DGKD: variants seen among roughly 807,000 people sequenced by gnomAD.
DGKD encodes diacylglycerol kinase delta, also known as DAG kinase delta.
In DGKD, 68 loss-of-function variants were observed where a neutral mutation model predicts 154.4. The observed-to-expected ratio is 0.44, with a 90% CI of 0.36 to 0.54. The LOEUF is 0.54. Ranked by LOEUF, DGKD falls within the 20% of genes least tolerant of loss-of-function variation. The pLI is 0.00. For missense variants in DGKD, 1,343 were observed against 1,593.6 expected (o/e 0.84, Z 2.68); for synonymous variants, 693 against 638.0 (o/e 1.09, Z -1.30).
At chr2:233,369,592 C>T (rs2125395125) in intron 1 of DGKD, among the ~76,000 whole-genome samples, 1 of 152,244 alleles carries the variant, frequency 6.6e-6, no homozygotes, top group East Asian at 1.9e-4. Context: ...TCAGCCTCTC[C>T]CCTCCCCCTT....
At chr2:233,420,579 A>G (rs940341234) in intron 3 of DGKD, among the ~76,000 whole-genome samples, 7 of 152,182 alleles carry the variant, frequency 4.6e-5, no homozygotes, top group African/African-American at 1.7e-4. Context: ...GCATTGTTGA[A>G]CTGGTTCTGA....
chr2:233,373,207 A>G lies in DGKD; in HGVS notation c.157-15050A>G, dbSNP rs148958327. 1.3e-3 allele frequency among the ~76,000 whole-genome samples: 200 copies of G among 152,308 alleles called. 2 individuals carry two copies. The highest frequency in any genetic ancestry group is 4.5e-3 in the African/African-American group (189 of 41,558). On this transcript the variant is annotated intron_variant, in intron 1 of 29. Coordinates refer to ENST00000264057, the MANE Select transcript of DGKD (RefSeq NM_152879.3). Reference sequence around the variant, plus strand: ...GGAGGTCAGCAACAGGGACGGTACTATGTGATGTTGGAGAAATAAAGAGGC... The same window carrying G: ...GGAGGTCAGCAACAGGGACGGTACTGTGTGATGTTGGAGAAATAAAGAGGC...
rs1434894762 is a variant in DGKD, at chr2:233,451,228, A to T, written c.2167+178A>T. 4.9e-3 allele frequency among the ~76,000 whole-genome samples: 595 copies of T among 121,018 alleles called. 2 individuals carry two copies. The highest frequency in any genetic ancestry group is 0.02 in the African/African-American group (564 of 27,800). 79.4% of individuals were successfully genotyped at this position (121,018 alleles called of 152,430 possible). A position where few individuals can be genotyped will look rare whatever the true frequency, so the allele number is the denominator to read the frequency against. On this transcript the variant is annotated intron_variant, in intron 17 of 29. Transcript: ENST00000264057. ...TGCTTTTTTTTTTTTTTTAAAAACA[A>T]AAAACAAAAAACAAAAGCCAGATAG...
chr2:233,459,657 A>G lies in DGKD; in HGVS notation c.2695-100A>G. Reference sequence around the variant, plus strand: ...AGGTGGGGTGTCCTGCAAGGCAGGGACGGGTGTGTGGAGCAGGAAGGTCAT... The same window carrying G: ...AGGTGGGGTGTCCTGCAAGGCAGGGGCGGGTGTGTGGAGCAGGAAGGTCAT... On this transcript the variant is annotated intron_variant, in intron 22 of 29. Coordinates refer to ENST00000264057, the MANE Select transcript of DGKD (RefSeq NM_152879.3). This position sits in a 1 kb window ranked among gnomAD's most constrained non-coding sequence, Gnocchi z 5.7. 1 of 1,480,620 alleles carries G rather than the reference A, an allele frequency of 6.8e-7. No homozygotes were observed. The highest frequency in any genetic ancestry group is 9.1e-7 in the Non-Finnish European group (1 of 1,098,936). The allele number at this position is 1,480,620 out of a possible 1,614,324, so 91.7% of individuals were successfully genotyped here.
chr2:233,411,950 A>G (rs2061840688), intron 3 of DGKD, among the ~76,000 whole-genome samples: 1 of 151,768 alleles, frequency 6.6e-6, no homozygotes, highest in African/African-American at 2.4e-5. Flanking sequence ...CTCTTTCCAG[A>G]TTTTCTATTT....
At chr2:233,361,454 A>G (rs1243385748) in intron 1 of DGKD, among the ~76,000 whole-genome samples, 1 of 152,190 alleles carries the variant, frequency 6.6e-6, no homozygotes, top group African/African-American at 2.4e-5. Flanking sequence ...GATTGTGCAT[A>G]CAGTAAAAAA....
chr2:233,459,917 G>A lies in DGKD; in HGVS notation c.2829+26G>A. ...GTAAGAGCGGCTGCCCGCGGTACCT[G>A]GGTGGGGTACAGGGCTCACCTGTGG... On this transcript the variant is annotated intron_variant, in intron 23 of 29. Transcript: ENST00000264057. The surrounding 1 kb of genome is among the most constrained non-coding windows in gnomAD (Gnocchi z 5.7). 6.2e-7 allele frequency: 1 copy of A among 1,610,298 alleles called. No homozygotes were observed. The highest frequency in any genetic ancestry group is 1.1e-5 in the South Asian group (1 of 90,450).
chr2:233,449,908 G>A lies in DGKD; in HGVS notation c.1889-74G>A, dbSNP rs138961643. On this transcript the variant is annotated intron_variant, in intron 15 of 29. Coordinates refer to ENST00000264057, the MANE Select transcript of DGKD (RefSeq NM_152879.3). This position sits in a 1 kb window ranked among gnomAD's most constrained non-coding sequence, Gnocchi z 5.3. The stretch of plus-strand genomic sequence containing the variant: ...ATCAGGCCGTGGGGTGAGGATGAGG[G>A]GCCCTCCACCCAGCCTGACAGCGCC... 5.8e-3 allele frequency: 8,620 copies of A among 1,487,754 alleles called. 552 individuals are homozygous for A. The Admixed American group carries it at 0.13, about 22-fold the overall frequency. The allele number at this position is 1,487,754 out of a possible 1,614,324, so 92.2% of individuals were successfully genotyped here. A position where few individuals can be genotyped will look rare whatever the true frequency, so the allele number is the denominator to read the frequency against.
chr2:233,464,116 A>G (rs554615997), intron 26 of DGKD, 48 bp from the exon 27 acceptor site: 4 of 1,611,896 alleles, frequency 2.5e-6, no homozygotes, highest in Admixed American at 3.3e-5. Flanking sequence ...CGCGCTGATC[A>G]GCAGTGCACA....
rs2063568823 is a variant in DGKD, at chr2:233,459,845, T to C, written c.2783T>C (p.Ile928Thr). Residue 928 changes from isoleucine to threonine, a missense_variant, in exon 23 of 30, where the codon ATT becomes ACT. This residue lies in a region of DGKD where 429 missense variants were observed against 496.3 expected (regional missense o/e 0.86). Transcript: ENST00000264057. This position sits in a 1 kb window ranked among gnomAD's most constrained non-coding sequence, Gnocchi z 5.7. The stretch of plus-strand genomic sequence containing the variant: ...GCCTGGGTCCAGCCGCCAGGGTACA[T>C]TCGGATTGTCCACAAGAACCGGGCA... ...GEAWVQPPGY[I>T]RIVHKNRAQT... 6.2e-7 allele frequency: 1 copy of C among 1,613,964 alleles called. No homozygotes were observed. Among genetic ancestry groups the C allele is most frequent in the Non-Finnish European group, 8.5e-7 (1 of 1,179,970 alleles).
chr2:233,389,227 C>G (rs980257904), intron 2 of DGKD, among the ~76,000 whole-genome samples: 1 of 152,230 alleles, frequency 6.6e-6, no homozygotes, highest in Admixed American at 6.5e-5. Context: ...TATTTTTAGG[C>G]TTTCTAGCAA....
chr2:233,451,835 A>C, intron 17 of DGKD, 129 bp from the exon 18 acceptor site: 1 of 787,332 alleles, frequency 1.3e-6, no homozygotes, highest in Non-Finnish European at 2.0e-6. Context: ...ATGGTTATAC[A>C]TAATTTTAGA....
chr2:233,384,738 T>G (rs1703084100), intron 1 of DGKD, among the ~76,000 whole-genome samples: 1 of 152,278 alleles, frequency 6.6e-6, no homozygotes, highest in Non-Finnish European at 1.5e-5. Flanking sequence ...TGGAGTGTTC[T>G]GCCAGCCTCC....
At chr2:233,372,755 T>C (rs1198034826) in intron 1 of DGKD, among the ~76,000 whole-genome samples, 1 of 152,238 alleles carries the variant, frequency 6.6e-6, no homozygotes, top group African/African-American at 2.4e-5. Flanking sequence ...CTGCAGCTTC[T>C]TTGTCCTCTG....
chr2:233,405,053 G>A (rs1227241927), intron 3 of DGKD, among the ~76,000 whole-genome samples: 3 of 152,188 alleles, frequency 2.0e-5, no homozygotes, highest in African/African-American at 7.2e-5. Context: ...TAAATTTCAG[G>A]AAAATGGATT....
At chr2:233,409,137 G>C (rs1030760203) in intron 3 of DGKD, 6 of 152,216 alleles carry the variant, frequency 3.9e-5, no homozygotes, top group Non-Finnish European at 8.8e-5. Flanking sequence ...TGTTTGTTTA[G>C]ATTATCAGTG....
At chr2:233,401,591 A>G (rs2061558688) in intron 3 of DGKD, among the ~76,000 whole-genome samples, 1 of 152,084 alleles carries the variant, frequency 6.6e-6, no homozygotes, top group Admixed American at 6.6e-5. Context: ...ATACAGAGCC[A>G]TTTAGAAGGG....
chr2:233,396,133 C>T (rs935685441), intron 3 of DGKD, among the ~76,000 whole-genome samples: 1 of 152,066 alleles, frequency 6.6e-6, no homozygotes. Flanking sequence ...AGGGGGTTGT[C>T]GAGAGCAGGC....
In DGKD at chr2:233,449,041, C is replaced by A; in HGVS notation, c.1615-62C>A. The A allele has an allele frequency of 6.6e-7, 1 of 1,513,658 alleles. No individual in the cohort carries two copies. Among genetic ancestry groups the A allele is most frequent in the South Asian group, 1.3e-5 (1 of 78,046 alleles). 93.8% of individuals were successfully genotyped at this position (1,513,658 alleles called of 1,614,324 possible). ...AGTCTGGGTGAAATGGCCTGAGGTT[C>A]CCTGCCTGCAGACCCTGTTCTCCTG... On this transcript the variant is annotated intron_variant, in intron 14 of 29. Transcript: ENST00000264057. This position sits in a 1 kb window ranked among gnomAD's most constrained non-coding sequence, Gnocchi z 5.3.
Sources: gnomAD v4.1 joint callset for allele counts (sites outside exome capture counted in the v4.1 genomes callset) on GRCh38, gnomAD v4.1.1 for gene constraint, gnomAD v4.1.1 regional missense constraint, Gnocchi (gnomAD v3.1) non-coding constraint, MANE v1.5 for transcripts, NCBI Gene and HGNC (gene_info 2026-07-23, HGNC 2026-07-21) for gene names.